ADD2: variants seen among roughly 807,000 people sequenced by gnomAD.
The protein encoded by ADD2 is beta-adducin.
Under a neutral mutation model 83.0 loss-of-function variants are expected in ADD2, and 23 were observed. The observed-to-expected ratio is 0.28, with a 90% confidence interval of 0.20 to 0.39. ADD2 has a LOEUF of 0.39. Among genes scored for constraint, ADD2 ranks in the 10% least tolerant of loss-of-function variants. ADD2 has a pLI of 1.00. For synonymous variants in ADD2, 375 were observed against 375.4 expected, an observed-to-expected ratio of 1.00 and a Z score of 0.01; for missense variants, 758 against 944.9, an observed-to-expected ratio of 0.80 and a Z score of 2.59.
intron 10 of ADD2, among the ~76,000 whole-genome samples, chr2:70,680,412 T>C (rs1670399346): frequency 6.6e-6 from 1 of 152,212 alleles, no homozygotes; most frequent in African/African-American, 2.4e-5. Context: ...TGCCACGCCA[T>C]TTAGTTGCCA....
intron 15 of ADD2, among the ~76,000 whole-genome samples, chr2:70,664,309 AG>A (rs1340454230): frequency 6.6e-6 from 1 of 152,220 alleles, no homozygotes; most frequent in Non-Finnish European, 1.5e-5. Context: ...CAAAAGGGGA[AG>A]ACCCCTGGTC....
Position 70,688,136 on chromosome 2 carries a change from AAT to A in ADD2, c.850-16_850-15del. On this transcript the variant is annotated splice_polypyrimidine_tract_variant and intron_variant, in intron 8 of 15. Transcript: ENST00000264436. ...TAGCACCAGGATCTGTAGAGAAATA[AAT>A]AGTCAATTAAAACCTTAAGTCCTCT... The A allele has an allele frequency of 6.2e-7, 1 of 1,608,080 alleles. No individual in the cohort carries two copies. Among genetic ancestry groups the A allele is most frequent in the South Asian group, 1.1e-5 (1 of 90,776 alleles).
At chr2:70,744,871 G>A (rs1435525506) in intron 1 of ADD2, among the ~76,000 whole-genome samples, 1 of 152,104 alleles carries the variant, frequency 6.6e-6, no homozygotes, top group African/African-American at 2.4e-5. Context: ...CAGTGGATAG[G>A]CTTCGGATGT....
chr2:70,767,725 A>G, intron 1 of ADD2, 161 bp downstream of exon 1: 1 of 1,430,480 alleles, frequency 7.0e-7, no homozygotes, highest in Non-Finnish European at 9.1e-7. Context: ...TAGGCGCAAA[A>G]CACACCGCTG....
At chr2:70,767,507 G>C in intron 1 of ADD2, 3 of 349,674 alleles carry the variant, frequency 8.6e-6, no homozygotes, top group Non-Finnish European at 1.3e-5. Flanking sequence ...GAAGGAAAGA[G>C]AGGGGAGGGG....
At chr2:70,740,746 C>A (rs554453289) in intron 1 of ADD2, among the ~76,000 whole-genome samples, 40 of 152,214 alleles carry the variant, frequency 2.6e-4, no homozygotes, top group African/African-American at 9.2e-4. Context: ...GTTACCCAGG[C>A]TGGAGTACAC....
At chr2:70,709,016 A>G (rs2192967) in intron 2 of ADD2, among the ~76,000 whole-genome samples, 152,282 of 152,292 alleles carry the variant, frequency 1, 76,136 homozygotes, top group Middle Eastern at 1. Flanking sequence ...AACCATTCTG[A>G]TTCTGAGGGC....
intron 1 of ADD2, among the ~76,000 whole-genome samples, chr2:70,719,365 C>A (rs527986536): frequency 6.6e-6 from 1 of 152,186 alleles, no homozygotes; most frequent in Admixed American, 6.5e-5. Flanking sequence ...GCATGGGAGG[C>A]GGCTCTAGAG....
intron 1 of ADD2, among the ~76,000 whole-genome samples, chr2:70,751,639 C>T (rs534602246): frequency 3.3e-5 from 5 of 152,272 alleles, no homozygotes; most frequent in East Asian, 3.9e-4. Flanking sequence ...TTACAATAAA[C>T]GGCATAAGAA....
intron 4 of ADD2, among the ~76,000 whole-genome samples, chr2:70,698,174 T>C (rs7590287): frequency 0.011 from 1,707 of 152,292 alleles, 27 homozygotes; most frequent in African/African-American, 0.039. Flanking sequence ...GAGGTCTATA[T>C]AGTCTATACC....
chr2:70,762,692 C>T (rs1402120846), intron 1 of ADD2, among the ~76,000 whole-genome samples: 10 of 148,962 alleles, frequency 6.7e-5, no homozygotes, highest in Non-Finnish European at 1.3e-4. Context: ...GGAAAGCGGT[C>T]AAAAATTTCA....
intron 1 of ADD2, among the ~76,000 whole-genome samples, chr2:70,727,801 CAGG>C (rs1553378560): frequency 2.6e-5 from 4 of 151,914 alleles, no homozygotes; most frequent in African/African-American, 7.3e-5. Flanking sequence ...GAGGCTGAAG[CAGG>C]AGAATTGCTT....
intron 1 of ADD2, among the ~76,000 whole-genome samples, chr2:70,735,060 A>T (rs1448099742): frequency 6.6e-6 from 1 of 152,224 alleles, no homozygotes; most frequent in Non-Finnish European, 1.5e-5. Context: ...TGTTATCTCG[A>T]AAATTTCAAA....
intron 1 of ADD2, among the ~76,000 whole-genome samples, chr2:70,763,619 T>C (rs1553385426): frequency 6.6e-6 from 1 of 151,992 alleles, no homozygotes; most frequent in Admixed American, 6.5e-5. Flanking sequence ...GCCAAAACAA[T>C]GTACAAATAC....
chr2:70,663,857 G>A, intron 15 of ADD2, 122 bp from the exon 16 acceptor site: 1 of 1,064,484 alleles, frequency 9.4e-7, no homozygotes, highest in East Asian at 2.6e-5. Flanking sequence ...GGGAGGGCCA[G>A]CCTGATGTTG....
rs377014952 is a variant in ADD2, at chr2:70,758,816, T to G, written c.-154+9070A>C. Reference sequence around the variant, plus strand: ...CCTTGTCTCAGAAAAACAATAATAATAAACTATGGATGGAGGAAGACTGGG... The same window carrying G: ...CCTTGTCTCAGAAAAACAATAATAAGAAACTATGGATGGAGGAAGACTGGG... On this transcript the variant is annotated intron_variant, in intron 1 of 15. Transcript: ENST00000264436. Among the ~76,000 whole-genome samples, 5 of 151,936 alleles carry G rather than the reference T, an allele frequency of 3.3e-5. No individual in the cohort carries two copies. In the South Asian group the frequency reaches 6.3e-4, roughly 19 times the overall value.
chr2:70,701,294 GA>G (rs201565682), intron 4 of ADD2, among the ~76,000 whole-genome samples: 1 of 149,580 alleles, frequency 6.7e-6, no homozygotes, highest in African/African-American at 2.5e-5. Context: ...TAGTTCAAGG[GA>G]AAAAAAAACC....
rs534296630 is a variant in ADD2, at chr2:70,697,170, G to A, written c.323-774C>T. 4.6e-5 allele frequency among the ~76,000 whole-genome samples: 7 copies of A among 152,320 alleles called. No individual in the cohort carries two copies. The South Asian group carries it at 1.4e-3, about 32-fold the overall frequency. On this transcript the variant is annotated intron_variant, in intron 4 of 15. Transcript: ENST00000264436. ...CCCCACACCCTCCCAAAAAAAGAAAGCCAGATCAGCCTGAAAGTAACTTCC... is the reference window on the plus strand; with the variant it reads ...CCCCACACCCTCCCAAAAAAAGAAAACCAGATCAGCCTGAAAGTAACTTCC...
Position 70,725,646 on chromosome 2 carries a change from C to T in ADD2, c.-153-12462G>A, listed in dbSNP as rs199685504. Among the ~76,000 whole-genome samples the T allele has an allele frequency of 9.2e-5, 14 of 152,150 alleles. No homozygotes were observed. In the East Asian group the frequency reaches 2.7e-3, roughly 29 times the overall value. ...AGTGAGGCAGCCACAAGCCAAGGAACACCAGGAGCCATCAGAAGCTGGGAG... is the reference window on the plus strand; with the variant it reads ...AGTGAGGCAGCCACAAGCCAAGGAATACCAGGAGCCATCAGAAGCTGGGAG... On this transcript the variant is annotated intron_variant, in intron 1 of 15. Transcript: ENST00000264436.
Sources: gnomAD v4.1 joint callset for allele counts (sites outside exome capture counted in the v4.1 genomes callset) on GRCh38, gnomAD v4.1.1 for gene constraint, MANE v1.5 for transcripts, NCBI Gene and HGNC (gene_info 2026-07-23, HGNC 2026-07-21) for gene names.